AGBL1: variants seen among roughly 807,000 people sequenced by gnomAD.
AGBL1 encodes the protein AGBL carboxypeptidase 1.
AGBL1 carries 130 observed loss-of-function variants against 118.9 expected under a neutral mutation model. That is an observed-to-expected ratio of 1.09 (90% CI 0.95 to 1.26). The LOEUF (loss-of-function observed/expected upper bound fraction) is 1.26. Among genes scored for constraint, AGBL1 ranks in the 50% most tolerant of loss-of-function variants. AGBL1 has a pLI of 0.00. For missense variants in AGBL1, 1,584 were observed against 1,298.1 expected, an observed-to-expected ratio of 1.22 and a Z score of -3.38; for synonymous variants, 555 against 478.9, an observed-to-expected ratio of 1.16 and a Z score of -2.08.
chr15:86,455,860 A>G (rs1213850654), intron 18 of AGBL1, among the ~76,000 whole-genome samples: 3 of 152,140 alleles, frequency 2.0e-5, no homozygotes, highest in African/African-American at 7.2e-5. Context: ...ATTTGAATCC[A>G]AATAGTTTTT....
chr15:86,336,966 G>A (rs975303593), intron 17 of AGBL1, among the ~76,000 whole-genome samples: 1 of 151,466 alleles, frequency 6.6e-6, no homozygotes, highest in Non-Finnish European at 1.5e-5. Context: ...ATGAGTGAAG[G>A]GGCCACAAGA....
At chr15:86,274,479 G>A (rs149263565) in intron 15 of AGBL1, among the ~76,000 whole-genome samples, 155 of 152,214 alleles carry the variant, frequency 1.0e-3, no homozygotes, top group Non-Finnish European at 1.6e-3. Flanking sequence ...AGTTTGTGAG[G>A]TTTAGTTTAA....
chr15:86,934,904 T>G (rs2080648680), intron 23 of AGBL1, among the ~76,000 whole-genome samples: 2 of 152,242 alleles, frequency 1.3e-5, no homozygotes, highest in Non-Finnish European at 2.9e-5. Flanking sequence ...GGTAGGACGA[T>G]AAGACATACT....
At chr15:86,711,430 C>A (rs552134350) in intron 22 of AGBL1, among the ~76,000 whole-genome samples, 1 of 152,168 alleles carries the variant, frequency 6.6e-6, no homozygotes, top group Admixed American at 6.5e-5. Context: ...TTCTCTGCAT[C>A]GTGCCAGCAT....
At chr15:86,903,239 A>T in intron 22 of AGBL1, among the ~76,000 whole-genome samples, 1 of 151,340 alleles carries the variant, frequency 6.6e-6, no homozygotes, top group Non-Finnish European at 1.5e-5. Context: ...TTCATTCTAA[A>T]ATTTTCATTT....
At chr15:86,631,723 T>G (rs921546739) in intron 21 of AGBL1, among the ~76,000 whole-genome samples, 3 of 152,150 alleles carry the variant, frequency 2.0e-5, no homozygotes, top group African/African-American at 7.2e-5. Context: ...GAAGGCTGTT[T>G]AGGGTAGCTA....
chr15:86,650,986 T>C (rs2085359934), intron 21 of AGBL1, among the ~76,000 whole-genome samples: 1 of 152,216 alleles, frequency 6.6e-6, no homozygotes, highest in Non-Finnish European at 1.5e-5. Context: ...CACTTCTTGG[T>C]TCAAATCCTC....
rs1224682436 is a variant in AGBL1 at position 86,168,210 on chromosome 15, A to G, written c.488+9184A>G. On this transcript the variant is annotated intron_variant, in intron 5 of 22. Transcript: ENST00000614907. ...GCACACATTAGCATGTAAACAAATA[A>G]GATTAATGTGATCATGGGGGGGATA... Among the ~76,000 whole-genome samples the G allele has an allele frequency of 2.0e-5, 3 of 152,204 alleles. No homozygotes were observed. The East Asian group carries it at 5.8e-4, about 29-fold the overall frequency.
chr15:86,587,507 G>T (rs1216424995), intron 21 of AGBL1, among the ~76,000 whole-genome samples: 1 of 152,120 alleles, frequency 6.6e-6, no homozygotes, highest in Non-Finnish European at 1.5e-5. Flanking sequence ...TTGGGAAAGT[G>T]GGTCTAATTC....
intron 17 of AGBL1, among the ~76,000 whole-genome samples, chr15:86,348,285 C>A (rs916820268): frequency 3.9e-5 from 6 of 152,182 alleles, no homozygotes; most frequent in African/African-American, 1.4e-4. Context: ...AAGGGAGAAG[C>A]AAATTGTGAA....
chr15:86,218,392 G>T (rs2078224186), intron 5 of AGBL1, among the ~76,000 whole-genome samples: 1 of 152,264 alleles, frequency 6.6e-6, no homozygotes, highest in South Asian at 2.1e-4. Context: ...TAGGTTGCTG[G>T]TATCTGGATG....
chr15:86,103,052 C>T (rs952667634), intron 1 of AGBL1, among the ~76,000 whole-genome samples: 1 of 152,042 alleles, frequency 6.6e-6, no homozygotes, highest in Non-Finnish European at 1.5e-5. Flanking sequence ...GACCTGTTTT[C>T]AAGCACTGAA....
At chr15:86,178,999 A>G (rs2141782465) in intron 5 of AGBL1, among the ~76,000 whole-genome samples, 1 of 152,298 alleles carries the variant, frequency 6.6e-6, no homozygotes, top group South Asian at 2.1e-4. Context: ...GGTAGAGGAT[A>G]TAGGTTAGCA....
intron 5 of AGBL1, among the ~76,000 whole-genome samples, chr15:86,168,889 CT>C (rs2077377409): frequency 6.6e-6 from 1 of 152,160 alleles, no homozygotes; most frequent in Non-Finnish European, 1.5e-5. Flanking sequence ...AAGAGTTTCT[CT>C]GTTTTTTATT....
intron 17 of AGBL1, among the ~76,000 whole-genome samples, chr15:86,382,180 C>T (rs913457040): frequency 3.7e-5 from 5 of 135,846 alleles, no homozygotes; most frequent in Admixed American, 3.1e-4. Flanking sequence ...GGGGACATGC[C>T]CCTGTGCAGG....
chr15:86,482,273 T>G (rs1037207934), intron 18 of AGBL1, among the ~76,000 whole-genome samples: 1 of 152,146 alleles, frequency 6.6e-6, no homozygotes, highest in African/African-American at 2.4e-5. Context: ...AGTAAAATAT[T>G]CTGAGATCCC....
At chr15:86,894,764 C>A (rs1195410059) in intron 22 of AGBL1, among the ~76,000 whole-genome samples, 1 of 152,114 alleles carries the variant, frequency 6.6e-6, no homozygotes, top group African/African-American at 2.4e-5. Context: ...ATAGAAGTAT[C>A]TAGTCAAAGA....
At chr15:86,986,581 A>G (rs898308137) in intron 23 of AGBL1, among the ~76,000 whole-genome samples, 1 of 152,006 alleles carries the variant, frequency 6.6e-6, no homozygotes, top group East Asian at 1.9e-4. Flanking sequence ...AAGGGGAGGA[A>G]GATGTAGAGG....
intron 18 of AGBL1, among the ~76,000 whole-genome samples, chr15:86,408,921 T>C (rs2142006393): frequency 6.6e-6 from 1 of 152,332 alleles, no homozygotes; most frequent in Non-Finnish European, 1.5e-5. Flanking sequence ...GTCTCAGCCA[T>C]TTTGAATGTG....
Sources: allele counts gnomAD v4.1 joint callset (sites outside exome capture counted in the v4.1 genomes callset), GRCh38; gene constraint gnomAD v4.1.1; transcripts MANE v1.5; gene names NCBI Gene and HGNC (gene_info 2026-07-23, HGNC 2026-07-21).